The following SLC44A5 variants were observed in gnomAD, a reference collection of about 807,000 sequenced individuals.
The protein encoded by SLC44A5 is solute carrier family 44 member 5.
Under a neutral mutation model 101.8 loss-of-function variants are expected in SLC44A5, and 57 were observed. The ratio of observed to expected loss-of-function variants is 0.56; its 90% CI spans 0.45 to 0.70. The LOEUF (loss-of-function observed/expected upper bound fraction) is 0.70, where lower values mean the gene tolerates loss of function less well. Ranked by LOEUF, SLC44A5 falls within the 30% of genes least tolerant of loss-of-function variation. SLC44A5 has a pLI of 0.00. For missense variants in SLC44A5, 737 were observed against 853.1 expected, an observed-to-expected ratio of 0.86 and a Z score of 1.70; for synonymous variants, 281 against 290.9, an observed-to-expected ratio of 0.97 and a Z score of 0.35.
chr1:75,222,383 T>C lies in SLC44A5; in HGVS notation c.1063A>G (p.Ile355Val). The C allele has an allele frequency of 1.2e-6, 2 of 1,613,652 alleles. No homozygotes were observed. The highest frequency in any genetic ancestry group is 1.7e-6 in the Non-Finnish European group (2 of 1,179,750). The change falls in exon 14 of 24, where the codon ATC (isoleucine) becomes GTC (valine). Residue 355 changes from isoleucine to valine, a missense_variant. Transcript: ENST00000370859. ...FLRNRIRVAI[I>V]LLKEGSKAIG... ...TACTTGCTTCCTTCCTTCAGCAGGA[T>C]AATGGCGACTCGGATTCGATTCCTG... is the stretch of plus-strand genomic sequence containing the variant.
intron 2 of SLC44A5, among the ~76,000 whole-genome samples, chr1:75,522,663 A>G (rs1241252661): frequency 6.6e-6 from 1 of 152,172 alleles, no homozygotes; most frequent in Non-Finnish European, 1.5e-5. Context: ...CTGTCCCCAA[A>G]CAACCTTGAA....
chr1:75,342,484 T>G (rs542995719), intron 3 of SLC44A5, among the ~76,000 whole-genome samples: 1 of 152,294 alleles, frequency 6.6e-6, no homozygotes, highest in South Asian at 2.1e-4. Context: ...TGAGATAATT[T>G]TCCCTAGCTC....
At chr1:75,641,817 A>C in the SLC44A5 span, 2 of 1,507,708 alleles carry the variant, frequency 1.3e-6, no homozygotes. Flanking sequence ...CATAAAGGCC[A>C]GTTTTCCACT....
the SLC44A5 span, among the ~76,000 whole-genome samples, chr1:75,638,599 C>G: frequency 6.6e-6 from 1 of 151,998 alleles, no homozygotes; most frequent in Admixed American, 6.6e-5. Flanking sequence ...CAGCTGAAAT[C>G]ATAAAGTTTC....
intron 5 of SLC44A5, among the ~76,000 whole-genome samples, chr1:75,291,150 T>C (rs906253833): frequency 1.4e-4 from 21 of 152,210 alleles, no homozygotes; most frequent in African/African-American, 4.1e-4. Context: ...AATACACTTA[T>C]GTTTCTGATT....
At chr1:75,214,036 C>A (rs1180665088) in intron 20 of SLC44A5, 47 bp from the exon 21 acceptor site, 1 of 1,204,492 alleles carries the variant, frequency 8.3e-7, no homozygotes, top group Middle Eastern at 2.7e-4. Context: ...TTAAAATATA[C>A]TTGGTACTTG....
At chr1:75,563,004 T>C (rs1672605791) in intron 1 of SLC44A5, among the ~76,000 whole-genome samples, 1 of 152,216 alleles carries the variant, frequency 6.6e-6, no homozygotes, top group South Asian at 2.1e-4. Context: ...TTTCAGCTAC[T>C]GAAATGTTTC....
chr1:75,328,551 T>A (rs1476615072), intron 4 of SLC44A5, among the ~76,000 whole-genome samples: 1 of 152,284 alleles, frequency 6.6e-6, no homozygotes, highest in East Asian at 1.9e-4. Context: ...TGCCCCCAGC[T>A]GCCAATTCAT....
intron 4 of SLC44A5, among the ~76,000 whole-genome samples, chr1:75,304,183 T>C (rs1654731221): frequency 6.6e-6 from 1 of 152,168 alleles, no homozygotes; most frequent in African/African-American, 2.4e-5. Flanking sequence ...GAGAAGGTGG[T>C]TGAACAAAAA....
chr1:75,616,637 G>A, the SLC44A5 span, among the ~76,000 whole-genome samples: 21 of 152,212 alleles, frequency 1.4e-4, no homozygotes, highest in Non-Finnish European at 2.8e-4. Flanking sequence ...CCACGCGGGC[G>A]ATGAGCCCCG....
chr1:75,509,707 G>A (rs1367174472), intron 2 of SLC44A5, among the ~76,000 whole-genome samples: 2 of 152,176 alleles, frequency 1.3e-5, no homozygotes, highest in Non-Finnish European at 1.5e-5. Context: ...CTAACTATGT[G>A]CTAAGCCCTG....
intron 6 of SLC44A5, among the ~76,000 whole-genome samples, chr1:75,255,445 CAAA>C (rs35118630): frequency 6.7e-6 from 1 of 148,548 alleles, no homozygotes; most frequent in Non-Finnish European, 1.5e-5. Flanking sequence ...ATTGCCAAAA[CAAA>C]AAAAAATCAA....
At chr1:75,386,538 C>T (rs893721577) in intron 3 of SLC44A5, among the ~76,000 whole-genome samples, 5 of 152,080 alleles carry the variant, frequency 3.3e-5, no homozygotes, top group Admixed American at 6.6e-5. Context: ...AACTACAAAC[C>T]GCTGCTCAAG....
the SLC44A5 span, among the ~76,000 whole-genome samples, chr1:75,723,291 T>G: frequency 1.3e-5 from 2 of 152,154 alleles, no homozygotes; most frequent in Admixed American, 1.3e-4. Context: ...TTTGTCTCAG[T>G]GTTGATTTTT....
intron 4 of SLC44A5, among the ~76,000 whole-genome samples, chr1:75,305,340 G>A (rs1238177360): frequency 2.0e-5 from 3 of 152,048 alleles, no homozygotes; most frequent in South Asian, 2.1e-4. Context: ...GACTATTGCC[G>A]TGGTCTCTTA....
intron 6 of SLC44A5, among the ~76,000 whole-genome samples, chr1:75,261,632 C>G (rs1463617677): frequency 6.6e-6 from 1 of 152,038 alleles, no homozygotes; most frequent in Non-Finnish European, 1.5e-5. Flanking sequence ...CTATTTCAAA[C>G]AATAGAAAAA....
chr1:75,640,976 C>T, the SLC44A5 span, among the ~76,000 whole-genome samples: 1 of 151,994 alleles, frequency 6.6e-6, no homozygotes. Flanking sequence ...TGAGGAAGAA[C>T]TTCATGTGAA....
Position 75,388,505 on chromosome 1 carries a change from G to A in SLC44A5, c.52+8078C>T, listed in dbSNP as rs1383287718. Among the ~76,000 whole-genome samples the A allele has an allele frequency of 1.1e-4, 16 of 152,274 alleles. No homozygotes were observed. The East Asian group carries it at 3.1e-3, about 29-fold the overall frequency. ...GATCAAAACCTCACATATCGTCCAT[G>A]TGCAGTGGCTCATGCCTGTAATTCC... On this transcript the variant is annotated intron_variant, in intron 3 of 23. Coordinates refer to ENST00000370859, the MANE Select transcript of SLC44A5 (RefSeq NM_001130058.2).
the SLC44A5 span, among the ~76,000 whole-genome samples, chr1:75,669,016 G>T: frequency 8.3e-4 from 126 of 151,270 alleles, 8 homozygotes; most frequent in African/African-American, 3.0e-3. Context: ...AAGAAGAAGT[G>T]AGAAGAAGAA....
Sources: gnomAD v4.1 joint callset for allele counts (sites outside exome capture counted in the v4.1 genomes callset) on GRCh38, gnomAD v4.1.1 for gene constraint, MANE v1.5 for transcripts, NCBI Gene and HGNC (gene_info 2026-07-23, HGNC 2026-07-21) for gene names.